Variants in CUL7 observed in about 807,000 individuals in gnomAD.
The protein encoded by CUL7 is cullin-7.
In CUL7, 96 loss-of-function variants were observed where a neutral mutation model predicts 177.7. The ratio of observed to expected loss-of-function variants is 0.54; its 90% CI spans 0.46 to 0.64. CUL7 has a LOEUF of 0.64. Among genes scored for constraint, CUL7 ranks in the 30% least tolerant of loss-of-function variants. The pLI is 0.00. For synonymous variants in CUL7, 824 were observed against 890.2 expected (o/e 0.93, Z 1.32); for missense variants, 1,893 against 2,187.9 (o/e 0.87, Z 2.69).
rs1320746461 is a variant in CUL7, at chr6:43,048,560, G to A, written c.1835C>T (p.Pro612Leu). 1.2e-5 allele frequency: 20 copies of A among 1,613,418 alleles called. No homozygotes were observed. The highest frequency in any genetic ancestry group is 2.7e-5 in the African/African-American group (2 of 74,880). The change falls in exon 8 of 26, where the codon CCC becomes CTC. Residue 612 changes from proline (P) to leucine (L), a missense_variant. Coordinates refer to ENST00000265348, the MANE Select transcript of CUL7 (RefSeq NM_014780.5). ...GGGAGTGTTGGGACTCTGAGATGGG[G>A]GTTCTTTTGCTACAGGAAGGGGACA... Reference protein sequence around the residue: ...EDAAKVEAKEPPSQSPNTPLQ... With the variant: ...EDAAKVEAKELPSQSPNTPLQ...
Position 43,053,712 on chromosome 6 carries a change from T to G in CUL7, c.-99A>C. On this transcript the variant is annotated 5_prime_UTR_variant, in exon 1 of 26. Transcript: ENST00000265348. This position sits in a 1 kb window ranked among gnomAD's most constrained non-coding sequence, Gnocchi z 4.1. ...CGCTGGCGGCGACTTGGGCCCCACC[T>G]GGGCCCCGCGAGGGGGTCGAGACGG... is the stretch of plus-strand genomic sequence containing the variant. 2 of 1,439,938 alleles carry G rather than the reference T, an allele frequency of 1.4e-6. No homozygotes were observed. The highest frequency in any genetic ancestry group is 1.8e-6 in the Non-Finnish European group (2 of 1,100,478). The allele number at this position is 1,439,938 out of a possible 1,614,324, so 89.2% of individuals were successfully genotyped here.
At position 43,053,319 on chromosome 6, in the gene CUL7, T is replaced by G. The variant is rs1346507665; in HGVS notation, c.-9+303A>C. Among the ~76,000 whole-genome samples, 1 of 151,766 alleles carries G rather than the reference T, an allele frequency of 6.6e-6. No individual in the cohort carries two copies. Among genetic ancestry groups the G allele is most frequent in the Admixed American group, 6.6e-5 (1 of 15,240 alleles). On this transcript the variant is annotated intron_variant, in intron 1 of 25. Coordinates refer to ENST00000265348, the MANE Select transcript of CUL7 (RefSeq NM_014780.5). This position sits in a 1 kb window ranked among gnomAD's most constrained non-coding sequence, Gnocchi z 4.1. The stretch of plus-strand genomic sequence containing the variant: ...AGTGGGAGGGCAAGGCGCGATGGAC[T>G]AGGAGGAGGCACTGGTGGGTTGGAG...
At chr6:43,041,583 G>A (rs1763413831) in intron 19 of CUL7, among the ~76,000 whole-genome samples, 2 of 151,936 alleles carry the variant, frequency 1.3e-5, no homozygotes, top group African/African-American at 4.8e-5. Flanking sequence ...AGTGTGGGAG[G>A]GAGTAAGACC....
At chr6:43,042,781 G>C in intron 19 of CUL7, 21 bp downstream of exon 19, 1 of 1,563,408 alleles carries the variant, frequency 6.4e-7, no homozygotes, top group South Asian at 1.1e-5. Context: ...ACCCAAGGAT[G>C]AGGCAAGGGT....
In CUL7 at chr6:43,052,764, C is replaced by G. The variant is rs375192347; in HGVS notation, c.25G>C (p.Glu9Gln). The change falls in exon 2 of 26, where the codon GAA (glutamate) becomes CAA (glutamine). Residue 9 changes from glutamate to glutamine, a missense_variant. Around this residue, in one of 5 missense-constraint regions of CUL7, gnomAD observed 653 missense variants for 725.2 expected, o/e 0.90. Transcript: ENST00000265348. This position sits in a 1 kb window ranked among gnomAD's most constrained non-coding sequence, Gnocchi z 4.5. MVGELRYR[E>Q]FRVPLGPGLH... The stretch of plus-strand genomic sequence containing the variant: ...CCGGGCCCCAGGGGCACCCTGAATT[C>G]CCTGTAGCGGAGTTCTCCCACCATC... 2.1e-5 allele frequency: 33 copies of G among 1,607,508 alleles called. No homozygotes were observed. In the Admixed American group the frequency reaches 2.2e-4, roughly 11 times the overall value.
At position 43,044,741 on chromosome 6, in the gene CUL7, A is replaced by G. The variant is rs1229546611; in HGVS notation, c.3172+11T>C. The G allele has an allele frequency of 6.2e-7, 1 of 1,607,354 alleles. No homozygotes were observed. The highest frequency in any genetic ancestry group is 1.1e-5 in the South Asian group (1 of 90,832). ...TGAGATAGTAATGGGTCCAGATGTCAGGATGGTTACCAGGGGAGGTGATGT... is the reference window on the plus strand; with the variant it reads ...TGAGATAGTAATGGGTCCAGATGTCGGGATGGTTACCAGGGGAGGTGATGT... On this transcript the variant is annotated intron_variant, in intron 16 of 25. Coordinates refer to ENST00000265348, the MANE Select transcript of CUL7 (RefSeq NM_014780.5).
At chr6:43,038,720 G>A in intron 23 of CUL7, 28 bp from the exon 24 acceptor site, 1 of 1,613,276 alleles carries the variant, frequency 6.2e-7, no homozygotes, top group South Asian at 1.1e-5. Context: ...GAGACATTCA[G>A]GGCCTCCCCA....
At chr6:43,044,375 T>G (rs899268975) in intron 16 of CUL7, among the ~76,000 whole-genome samples, 1 of 152,096 alleles carries the variant, frequency 6.6e-6, no homozygotes, top group African/African-American at 2.4e-5. Context: ...GGTGCATGCC[T>G]GTAATCCCAG....
Position 43,040,561 on chromosome 6 carries a change from A to G in CUL7, c.3992T>C (p.Leu1331Pro). 1.9e-6 allele frequency: 3 copies of G among 1,614,148 alleles called. No individual in the cohort carries two copies. The highest frequency in any genetic ancestry group is 2.5e-6 in the Non-Finnish European group (3 of 1,180,008). Residue 1331 changes from leucine to proline, a missense_variant, in exon 21 of 26, where the codon CTG becomes CCG. Physicochemically the swap from Leu to Pro is moderately conservative, Grantham distance 98. Around this residue, in one of 5 missense-constraint regions of CUL7, gnomAD observed 973 missense variants for 1,140.9 expected, o/e 0.85. Coordinates refer to ENST00000265348, the MANE Select transcript of CUL7 (RefSeq NM_014780.5). The surrounding 1 kb of genome is among the most constrained non-coding windows in gnomAD (Gnocchi z 4.2). Reference protein sequence around the residue: ...YQLQQLDQELLKLEDTEKKIQ... With the variant: ...YQLQQLDQELPKLEDTEKKIQ... ...TTTCTTCTCTGTATCCTCCAGCTTC[A>G]GGAGTTCCTGATCCAGCTGCTGGAG...
In CUL7 at chr6:43,038,415, C is replaced by T. The variant is rs189054608; in HGVS notation, c.4625G>A (p.Arg1542Gln). 158 of 1,614,188 alleles carry T rather than the reference C, an allele frequency of 9.8e-5. No homozygotes were observed. In the Middle Eastern group the frequency reaches 1.2e-3, roughly 12 times the overall value. ...CAGGTACGTCTGAGGTGGGATGAGC[C>T]GCACAATGTCCCATCTCGACCTGGG... ...KEPRSRWDIV[R>Q]LIPPQTYLQA... The change falls in exon 25 of 26, where the codon CGG becomes CAG. Residue 1542 changes from arginine (R) to glutamine (Q), a missense_variant. Around this residue, in one of 5 missense-constraint regions of CUL7, gnomAD observed 248 missense variants for 262.5 expected, o/e 0.94. Coordinates refer to ENST00000265348, the MANE Select transcript of CUL7 (RefSeq NM_014780.5).
In CUL7 at chr6:43,053,597, G is replaced by C. The variant is rs1231190642; in HGVS notation, c.-9+25C>G. The C allele has an allele frequency of 1.5e-6, 2 of 1,332,876 alleles. No homozygotes were observed. Among genetic ancestry groups the C allele is most frequent in the African/African-American group, 3.1e-5 (2 of 64,680 alleles). 82.6% of individuals were successfully genotyped at this position (1,332,876 alleles called of 1,614,324 possible). ...CTAGTGGGCAGGGAAGGAGAAGCAA[G>C]GGGCCGCGGTGGGGCTCTGGCCACC... On this transcript the variant is annotated intron_variant, in intron 1 of 25. Transcript: ENST00000265348. The surrounding 1 kb of genome is among the most constrained non-coding windows in gnomAD (Gnocchi z 4.1).
In CUL7 at chr6:43,040,496, C is replaced by T. The variant is rs746836526; in HGVS notation, c.4023+34G>A. The T allele has an allele frequency of 1.2e-6, 2 of 1,613,326 alleles. No individual in the cohort carries two copies. The highest frequency in any genetic ancestry group is 1.7e-5 in the Admixed American group (1 of 60,036). ...TGCTCCACGCCCCTCTTCCCCCTACCCTCTTATTTGCTTATCCCTTCCAAG... is the reference window on the plus strand; with the variant it reads ...TGCTCCACGCCCCTCTTCCCCCTACTCTCTTATTTGCTTATCCCTTCCAAG... On this transcript the variant is annotated intron_variant, in intron 21 of 25. Coordinates refer to ENST00000265348, the MANE Select transcript of CUL7 (RefSeq NM_014780.5). This position sits in a 1 kb window ranked among gnomAD's most constrained non-coding sequence, Gnocchi z 4.2.
In CUL7 at chr6:43,040,574, C is replaced by G. The variant is rs758375607; in HGVS notation, c.3979G>C (p.Asp1327His). The change falls in exon 21 of 26, where the codon GAT becomes CAT. Residue 1327 changes from aspartate to histidine, a missense_variant. Transcript: ENST00000265348. This position sits in a 1 kb window ranked among gnomAD's most constrained non-coding sequence, Gnocchi z 4.2. ...QFHVYQLQQLDQELLKLEDTE... is the reference protein window; with the variant it reads ...QFHVYQLQQLHQELLKLEDTE... ...TCCTCCAGCTTCAGGAGTTCCTGAT[C>G]CAGCTGCTGGAGCTGGTAGACGTGG... The G allele has an allele frequency of 1.9e-5, 30 of 1,614,216 alleles. No homozygotes were observed.
chr6:43,041,181 C>CA, intron 19 of CUL7, 106 bp from the exon 20 acceptor site: 3 of 1,098,534 alleles, frequency 2.7e-6, no homozygotes, highest in Non-Finnish European at 2.7e-6. Flanking sequence ...TGGCAGCTTT[C>CA]TAAGGTGGTT....
In CUL7 at chr6:43,045,620, G is replaced by A. The variant is rs1581931920; in HGVS notation, c.2829C>T (p.Pro943=). The A allele has an allele frequency of 1.2e-6, 2 of 1,614,236 alleles. No homozygotes were observed. The highest frequency in any genetic ancestry group is 2.2e-5 in the East Asian group (1 of 44,880). ...ILLENLTRFW[P]IIQIRIKRCQ... ...AGCGCTTTATGCGGATCTGGATGATGGGCCAGAAGCGGGTCAGGTTCTCCA... is the reference window on the plus strand; with the variant it reads ...AGCGCTTTATGCGGATCTGGATGATAGGCCAGAAGCGGGTCAGGTTCTCCA... Residue 943 remains proline (P), a synonymous_variant, in exon 14 of 26, where the codon CCC becomes CCT. Coordinates refer to ENST00000265348, the MANE Select transcript of CUL7 (RefSeq NM_014780.5). The surrounding 1 kb of genome is among the most constrained non-coding windows in gnomAD (Gnocchi z 4.8).
At position 43,045,458 on chromosome 6, in the gene CUL7, T is replaced by C. The variant is rs1763821574; in HGVS notation, c.2863-56A>G. ...CTCCACACCTTGGGATGGGCTGGGGTCAGCTACGCCCTCGAACCTCACCCC... is the reference window on the plus strand; with the variant it reads ...CTCCACACCTTGGGATGGGCTGGGGCCAGCTACGCCCTCGAACCTCACCCC... On this transcript the variant is annotated intron_variant, in intron 14 of 25. Coordinates refer to ENST00000265348, the MANE Select transcript of CUL7 (RefSeq NM_014780.5). The surrounding 1 kb of genome is among the most constrained non-coding windows in gnomAD (Gnocchi z 4.8). 2.5e-6 allele frequency: 4 copies of C among 1,613,950 alleles called. No individual in the cohort carries two copies. In the South Asian group the frequency reaches 4.4e-5, roughly 18 times the overall value.
In CUL7 at chr6:43,044,859, T is replaced by C; in HGVS notation, c.3065A>G (p.Gln1022Arg). Residue 1022 changes from glutamine to arginine, a missense_variant, in exon 16 of 26, where the codon CAG becomes CGG. Physicochemically the swap from Gln to Arg is conservative, Grantham distance 43 (BLOSUM62 1). This residue lies in a region of CUL7 where 973 missense variants were observed against 1,140.9 expected (regional missense o/e 0.85). Coordinates refer to ENST00000265348, the MANE Select transcript of CUL7 (RefSeq NM_014780.5). The stretch of plus-strand genomic sequence containing the variant: ...AGGGAGGAAGCGGTCAGCAAAATTC[T>C]GCTCCTGGCGCAGAGCACCGTTGAG... ...SRLNGALRQE[Q>R]NFADRFLPDD... 7 of 1,613,896 alleles carry C rather than the reference T, an allele frequency of 4.3e-6. No individual in the cohort carries two copies. The highest frequency in any genetic ancestry group is 5.9e-6 in the Non-Finnish European group (7 of 1,179,788).
In CUL7 at chr6:43,045,608, G is replaced by A; in HGVS notation, c.2841C>T (p.Ile947=). ...CCACCTGCTGGCAGCGCTTTATGCG[G>A]ATCTGGATGATGGGCCAGAAGCGGG... is the stretch of plus-strand genomic sequence containing the variant. ...NLTRFWPIIQ[I]RIKRCQQGGI... Residue 947 remains isoleucine, a synonymous_variant, in exon 14 of 26, where the codon ATC becomes ATT. Coordinates refer to ENST00000265348, the MANE Select transcript of CUL7 (RefSeq NM_014780.5). The surrounding 1 kb of genome is among the most constrained non-coding windows in gnomAD (Gnocchi z 4.8). 2 of 1,614,220 alleles carry A rather than the reference G, an allele frequency of 1.2e-6. No homozygotes were observed. Among genetic ancestry groups the A allele is most frequent in the Middle Eastern group, 1.7e-4 (1 of 6,056 alleles).
Position 43,052,448 on chromosome 6 carries a change from A to ACGT in CUL7, c.338_340dup (p.Asp113dup), listed in dbSNP as rs764458973. 8.1e-6 allele frequency: 13 copies of ACGT among 1,614,116 alleles called. No homozygotes were observed. The South Asian group carries it at 1.3e-4, about 16-fold the overall frequency. On this transcript the variant is annotated inframe_insertion, in exon 2 of 26. Coordinates refer to ENST00000265348, the MANE Select transcript of CUL7 (RefSeq NM_014780.5). This position sits in a 1 kb window ranked among gnomAD's most constrained non-coding sequence, Gnocchi z 4.5. Reference sequence around the variant, plus strand: ...AAGGGCTCTCTGAATGAGGGACTTCACGTCGGTTTCCATCTCCTCCAGCAC... The same window carrying ACGT: ...AAGGGCTCTCTGAATGAGGGACTTCACGTCGTCGGTTTCCATCTCCTCCAGCAC...
Sources: allele counts gnomAD v4.1 joint callset (sites outside exome capture counted in the v4.1 genomes callset), GRCh38; gene constraint gnomAD v4.1.1; regional missense constraint gnomAD v4.1.1; non-coding constraint Gnocchi (gnomAD v3.1); transcripts MANE v1.5; gene names NCBI Gene and HGNC (gene_info 2026-07-23, HGNC 2026-07-21).